The following TJP1 variants were observed in gnomAD, a reference collection of about 807,000 sequenced individuals.
The protein encoded by TJP1 is tight junction protein ZO-1.
Under a neutral mutation model 194.2 loss-of-function variants are expected in TJP1, and 43 were observed. The ratio of observed to expected loss-of-function variants is 0.22; its 90% CI spans 0.17 to 0.29. The LOEUF is 0.29. TJP1 is among the 10% of genes least tolerant of loss of function. The pLI, the probability that TJP1 is intolerant of heterozygous loss-of-function variation, is 1.00. For missense variants in TJP1, 1,971 were observed against 2,185.7 expected (o/e 0.90, Z 1.96); for synonymous variants, 801 against 779.0 (o/e 1.03, Z -0.47).
At chr15:29,753,028 G>C (rs2045389688) in intron 8 of TJP1, among the ~76,000 whole-genome samples, 1 of 152,126 alleles carries the variant, frequency 6.6e-6, no homozygotes, top group African/African-American at 2.4e-5. Context: ...CCCTGAGCCT[G>C]TTATTTAATA....
chr15:29,783,281 A>G (rs1028725695), intron 2 of TJP1, among the ~76,000 whole-genome samples: 7 of 152,310 alleles, frequency 4.6e-5, no homozygotes, highest in Non-Finnish European at 8.8e-5. Flanking sequence ...TCTCAAAGAA[A>G]CAAACAAAAA....
intron 8 of TJP1, among the ~76,000 whole-genome samples, chr15:29,752,198 G>A (rs1185169173): frequency 6.6e-6 from 1 of 151,868 alleles, no homozygotes; most frequent in Non-Finnish European, 1.5e-5. Context: ...TGCCTCCCAG[G>A]TTCAAGCGAT....
chr15:29,883,627 A>C (rs921989685), intron 2 of TJP1, among the ~76,000 whole-genome samples: 1 of 151,824 alleles, frequency 6.6e-6, no homozygotes, highest in Non-Finnish European at 1.5e-5. Context: ...TATTAAGGCC[A>C]TTTAATGGAA....
chr15:29,829,506 A>G (rs2050771715), intron 2 of TJP1, among the ~76,000 whole-genome samples: 1 of 152,198 alleles, frequency 6.6e-6, no homozygotes, highest in Non-Finnish European at 1.5e-5. Flanking sequence ...GCTCACCTTT[A>G]TGAAAGAACT....
At chr15:29,869,973 A>AT (rs1467298445) in intron 2 of TJP1, among the ~76,000 whole-genome samples, 4 of 151,142 alleles carry the variant, frequency 2.6e-5, no homozygotes, top group Admixed American at 6.6e-5. Context: ...CGTCTGGCTA[A>AT]TTTTTTTGTA....
At chr15:29,732,573 C>T (rs1191495075) in intron 14 of TJP1, 45 bp from the exon 15 acceptor site, 8 of 1,612,966 alleles carry the variant, frequency 5.0e-6, no homozygotes, top group African/African-American at 1.3e-5. Context: ...TATACCTTTT[C>T]TTTCTTAAAC....
intron 2 of TJP1, among the ~76,000 whole-genome samples, chr15:29,907,801 CT>C (rs1216373547): frequency 1.3e-5 from 2 of 152,076 alleles, no homozygotes; most frequent in South Asian, 2.1e-4. Context: ...CCCGCGACCT[CT>C]TTTTCTTTTG....
chr15:29,727,957 T>C lies in TJP1; in HGVS notation c.2080A>G (p.Ile694Val), dbSNP rs746964611. 28 of 1,614,012 alleles carry C rather than the reference T, an allele frequency of 1.7e-5. No homozygotes were observed. In the Admixed American group the frequency reaches 2.5e-4, roughly 14 times the overall value. ...RSSGIIRLHT[I>V]KQIIDQDKHA... ...CTTACTTGATCTATGATTTGCTTTATTGTATGCAGGCGAATAATGCCAGAG... is the reference window on the plus strand; with the variant it reads ...CTTACTTGATCTATGATTTGCTTTACTGTATGCAGGCGAATAATGCCAGAG... Residue 694 changes from isoleucine to valine, a missense_variant, in exon 16 of 28, where the codon ATA becomes GTA. Physicochemically the swap from Ile to Val is conservative, Grantham distance 29. Coordinates refer to ENST00000614355, the MANE Select transcript of TJP1 (RefSeq NM_001330239.4).
intron 4 of TJP1, among the ~76,000 whole-genome samples, chr15:29,767,977 C>T (rs149115230): frequency 7.6e-4 from 115 of 152,306 alleles, no homozygotes; most frequent in African/African-American, 2.6e-3. Context: ...TACCTAAAAT[C>T]TGTCCTCTAC....
chr15:29,834,313 C>T (rs1433910826), intron 2 of TJP1, among the ~76,000 whole-genome samples: 2 of 151,902 alleles, frequency 1.3e-5, no homozygotes, highest in Non-Finnish European at 2.9e-5. Flanking sequence ...CCTCCACCTC[C>T]CAGGTTCAAG....
intron 3 of TJP1, among the ~76,000 whole-genome samples, chr15:29,772,576 AT>A (rs1271058199): frequency 6.6e-6 from 1 of 152,048 alleles, no homozygotes; most frequent in African/African-American, 2.4e-5. Flanking sequence ...TTGCTAGTGT[AT>A]TTTGTGTTTC....
In TJP1 at chr15:29,704,204, C is replaced by A; in HGVS notation, c.5170G>T (p.Asp1724Tyr). 1 of 1,582,038 alleles carries A rather than the reference C, an allele frequency of 6.3e-7. No individual in the cohort carries two copies. The change falls in exon 27 of 28, where the codon GAC (aspartate) becomes TAC (tyrosine). Residue 1724 changes from aspartate to tyrosine, a missense_variant. By Grantham distance (160) the Asp-to-Tyr change is radical (BLOSUM62 -3). This residue lies in a region of TJP1 where 1,108 missense variants were observed against 1,128.5 expected (regional missense o/e 0.98). Transcript: ENST00000614355. ...GATTTTAGAGCAAAAGACCAACCGT[C>A]AGGAGTCATGGACGCACAGTGTGGT... ...RLPHCASMTPDGWSFALKSSD... is the reference protein window; with the variant it reads ...RLPHCASMTPYGWSFALKSSD...
At chr15:29,839,280 G>A (rs1007123508) in intron 2 of TJP1, among the ~76,000 whole-genome samples, 1 of 151,994 alleles carries the variant, frequency 6.6e-6, no homozygotes, top group Admixed American at 6.6e-5. Flanking sequence ...TTACAGGTGT[G>A]AGCCACCGCA....
intron 2 of TJP1, among the ~76,000 whole-genome samples, chr15:29,855,740 C>T (rs1239971917): frequency 6.6e-6 from 1 of 151,972 alleles, no homozygotes; most frequent in Admixed American, 6.6e-5. Context: ...CCTGTAATCC[C>T]AGTTACTCAG....
At chr15:29,865,527 G>A (rs899615895) in intron 2 of TJP1, among the ~76,000 whole-genome samples, 13 of 152,142 alleles carry the variant, frequency 8.5e-5, no homozygotes, top group South Asian at 2.1e-4. Flanking sequence ...ATCAAGTTCC[G>A]AAGAAGTGCA....
chr15:29,783,608 T>C (rs567629765), intron 2 of TJP1, among the ~76,000 whole-genome samples: 24 of 152,282 alleles, frequency 1.6e-4, no homozygotes, highest in African/African-American at 5.5e-4. Context: ...ATGAAGTAAA[T>C]GTAGTATAAC....
At chr15:29,877,334 G>A (rs937123952) in intron 2 of TJP1, among the ~76,000 whole-genome samples, 3 of 151,858 alleles carry the variant, frequency 2.0e-5, no homozygotes, top group Non-Finnish European at 2.9e-5. Flanking sequence ...CTCCTGCTTC[G>A]GGGTCCTGAG....
At chr15:29,880,704 T>C (rs563493642) in intron 2 of TJP1, among the ~76,000 whole-genome samples, 1 of 152,390 alleles carries the variant, frequency 6.6e-6, no homozygotes, top group Non-Finnish European at 1.5e-5. Flanking sequence ...ATATTTGTCC[T>C]GTGACTGGCT....
At chr15:29,761,402 T>C in intron 7 of TJP1, 116 bp from the exon 8 acceptor site, 2 of 1,366,100 alleles carry the variant, frequency 1.5e-6, no homozygotes, top group African/African-American at 1.5e-5. Flanking sequence ...AAATGGAAGA[T>C]TTATGCATTA....
Sources: allele counts gnomAD v4.1 joint callset (sites outside exome capture counted in the v4.1 genomes callset), GRCh38; gene constraint gnomAD v4.1.1; regional missense constraint gnomAD v4.1.1; transcripts MANE v1.5; gene names NCBI Gene and HGNC (gene_info 2026-07-23, HGNC 2026-07-21).